The following TOM1L2 variants were observed in gnomAD, a reference collection of about 807,000 sequenced individuals.
The protein encoded by TOM1L2 is TOM1-like protein 2.
TOM1L2 carries 31 observed loss-of-function variants against 67.9 expected under a neutral mutation model. The ratio of observed to expected loss-of-function variants is 0.46; its 90% CI spans 0.34 to 0.62. TOM1L2 has a LOEUF of 0.62. Ranked by LOEUF, TOM1L2 falls within the 20% of genes least tolerant of loss-of-function variation. The pLI, the probability that TOM1L2 is intolerant of heterozygous loss-of-function variation, is 0.01. For synonymous variants in TOM1L2, 256 were observed against 254.0 expected, an observed-to-expected ratio of 1.01 and a Z score of -0.07; for missense variants, 606 against 663.5, an observed-to-expected ratio of 0.91 and a Z score of 0.95.
At chr17:17,896,477 C>A (rs1458825856) in intron 3 of TOM1L2, among the ~76,000 whole-genome samples, 1 of 152,172 alleles carries the variant, frequency 6.6e-6, no homozygotes, top group Admixed American at 6.5e-5. Context: ...CAGCAGTCCT[C>A]AAGGTCAGTG....
intron 1 of TOM1L2, among the ~76,000 whole-genome samples, chr17:17,967,552 A>G (rs1468872581): frequency 6.6e-6 from 1 of 152,112 alleles, no homozygotes; most frequent in African/African-American, 2.4e-5. Context: ...ACAAGTAAGT[A>G]CTCTTTCTTC....
At chr17:17,965,986 T>C (rs947668773) in intron 1 of TOM1L2, among the ~76,000 whole-genome samples, 1 of 152,112 alleles carries the variant, frequency 6.6e-6, no homozygotes, top group Non-Finnish European at 1.5e-5. Flanking sequence ...CCGGGCATGA[T>C]GGTGGGCACC....
At chr17:17,891,564 T>C (rs1211256471) in intron 4 of TOM1L2, among the ~76,000 whole-genome samples, 3 of 152,300 alleles carry the variant, frequency 2.0e-5, no homozygotes, top group South Asian at 4.1e-4. Context: ...TTGTGATAAC[T>C]GTGCTTGCCA....
chr17:17,869,221 T>C (rs1316500414), intron 8 of TOM1L2, 119 bp downstream of exon 8: 2 of 1,530,340 alleles, frequency 1.3e-6, no homozygotes, highest in Admixed American at 4.2e-5. Context: ...CTGATGAGTA[T>C]TTTCCAACTC....
chr17:17,881,918 C>T (rs189027382), intron 6 of TOM1L2, among the ~76,000 whole-genome samples: 4 of 152,310 alleles, frequency 2.6e-5, no homozygotes, highest in East Asian at 1.9e-4. Flanking sequence ...ATGACATTGT[C>T]GCAAATAGTA....
In TOM1L2 at chr17:17,875,551, C is replaced by T. The variant is rs550788985; in HGVS notation, c.777+4076G>A. ...AGGACAGGAATTTCCTAAACGCTGACGACTTCAGCTTTGGCCTTCTCCCAT... is the reference window on the plus strand; with the variant it reads ...AGGACAGGAATTTCCTAAACGCTGATGACTTCAGCTTTGGCCTTCTCCCAT... On this transcript the variant is annotated intron_variant, in intron 7 of 14. Transcript: ENST00000379504. 4.6e-5 allele frequency among the ~76,000 whole-genome samples: 7 copies of T among 152,356 alleles called. No individual in the cohort carries two copies. The South Asian group carries it at 8.3e-4, about 18-fold the overall frequency.
intron 1 of TOM1L2, among the ~76,000 whole-genome samples, chr17:17,953,983 T>G (rs2041319332): frequency 6.6e-6 from 1 of 152,252 alleles, no homozygotes; most frequent in Non-Finnish European, 1.5e-5. Flanking sequence ...ATTGTTCATC[T>G]TTGAATTCAA....
intron 2 of TOM1L2, among the ~76,000 whole-genome samples, chr17:17,904,882 C>T (rs2039018970): frequency 6.6e-6 from 1 of 152,226 alleles, no homozygotes. Context: ...CCACCTTTCC[C>T]TCTGGGACCA....
At chr17:17,921,117 T>G (rs945426247) in intron 1 of TOM1L2, among the ~76,000 whole-genome samples, 5 of 152,210 alleles carry the variant, frequency 3.3e-5, no homozygotes, top group African/African-American at 1.2e-4. Flanking sequence ...TTTGAAACCT[T>G]CTGTTTTCTT....
intron 12 of TOM1L2, among the ~76,000 whole-genome samples, chr17:17,853,204 A>G (rs1303676199): frequency 1.3e-5 from 2 of 152,188 alleles, no homozygotes; most frequent in Admixed American, 6.5e-5. Context: ...AGTCCCCAAA[A>G]CTGAAGCTTA....
intron 10 of TOM1L2, 52 bp downstream of exon 10, chr17:17,866,244 G>C (rs1037530096): frequency 1.3e-6 from 2 of 1,550,530 alleles, no homozygotes; most frequent in African/African-American, 2.8e-5. Flanking sequence ...GCCTGCAAGG[G>C]AGGCCAGTGG....
Position 17,955,348 on chromosome 17 carries a change from T to G in TOM1L2, c.52+16914A>C, listed in dbSNP as rs1237671950. On this transcript the variant is annotated intron_variant, in intron 1 of 14. Coordinates refer to ENST00000379504, the MANE Select transcript of TOM1L2 (RefSeq NM_001082968.2). ...TCCTTTTTTTTTTTTTTTTTTTTTT[T>G]TTGTTTTTGAGACAAGAGACTTGCT... 4.0e-5 allele frequency among the ~76,000 whole-genome samples: 6 copies of G among 148,216 alleles called. No individual in the cohort carries two copies. The South Asian group carries it at 1.1e-3, about 27-fold the overall frequency.
intron 4 of TOM1L2, among the ~76,000 whole-genome samples, chr17:17,887,332 A>G (rs1369160126): frequency 6.6e-6 from 1 of 152,228 alleles, no homozygotes; most frequent in East Asian, 1.9e-4. Flanking sequence ...TCTCATGCCA[A>G]CAGAGGAAAA....
chr17:17,856,797 T>A (rs560638344), intron 12 of TOM1L2, among the ~76,000 whole-genome samples: 2 of 152,224 alleles, frequency 1.3e-5, no homozygotes, highest in South Asian at 2.1e-4. Context: ...GAGCTGACCC[T>A]CTCTCCATGC....
chr17:17,852,865 A>T (rs541870640), intron 12 of TOM1L2, among the ~76,000 whole-genome samples: 6 of 114,964 alleles, frequency 5.2e-5, no homozygotes, highest in South Asian at 2.7e-4. Context: ...AACTCTGTCT[A>T]AAAAAAAAAA....
At chr17:17,857,688 G>A (rs1454270051) in intron 12 of TOM1L2, 2 of 1,265,216 alleles carry the variant, frequency 1.6e-6, no homozygotes, top group Non-Finnish European at 2.2e-6. Flanking sequence ...GGCTCGGCAG[G>A]TCACAAGAGG....
intron 1 of TOM1L2, among the ~76,000 whole-genome samples, chr17:17,940,181 A>C (rs551892205): frequency 6.9e-6 from 1 of 143,918 alleles, no homozygotes; most frequent in South Asian, 2.3e-4. Context: ...CGACAGAGCA[A>C]GACTCTATCT....
chr17:17,900,306 G>A lies in TOM1L2; in HGVS notation c.138-1632C>T, dbSNP rs569649956. 2.2e-3 allele frequency among the ~76,000 whole-genome samples: 328 copies of A among 151,820 alleles called. 2 individuals are homozygous for A. The highest frequency in any genetic ancestry group is 7.6e-3 in the African/African-American group (316 of 41,370). ...AGGCCGAGATGGGTGGATCACTTGA[G>A]GTCAGGAGTTCAAGACCAGCCTGGC... On this transcript the variant is annotated intron_variant, in intron 2 of 14. Transcript: ENST00000379504.
intron 8 of TOM1L2, among the ~76,000 whole-genome samples, chr17:17,867,589 G>A (rs2036927719): frequency 6.6e-6 from 1 of 152,190 alleles, no homozygotes; most frequent in Non-Finnish European, 1.5e-5. Flanking sequence ...GTTATGAGGT[G>A]TGTGTTGGGG....
Sources: gnomAD v4.1 joint callset for allele counts (sites outside exome capture counted in the v4.1 genomes callset) on GRCh38, gnomAD v4.1.1 for gene constraint, MANE v1.5 for transcripts, NCBI Gene and HGNC (gene_info 2026-07-23, HGNC 2026-07-21) for gene names.